The following KRABD1 variants were observed in gnomAD, a reference collection of about 807,000 sequenced individuals.
KRABD1 encodes the protein KRAB domain containing 1.
chr3:42,941,094 ACT>A, the KRABD1 span: 25 of 709,674 alleles, frequency 3.5e-5, no homozygotes, highest in Middle Eastern at 2.8e-4. Context: ...TTACACAAAA[ACT>A]CTGTAGGCAC....
the KRABD1 span, chr3:42,941,961 C>A: frequency 6.5e-7 from 1 of 1,531,826 alleles, no homozygotes. Flanking sequence ...CGAGCAGTGC[C>A]ACCCACTTCC....
chr3:42,942,153 T>A, the KRABD1 span: 2 of 964,012 alleles, frequency 2.1e-6, no homozygotes, highest in Non-Finnish European at 3.2e-6. Flanking sequence ...GTGTGTTCTC[T>A]GTGCCCAGCA....
the KRABD1 span, among the ~76,000 whole-genome samples, chr3:42,941,632 A>G: frequency 2.0e-5 from 3 of 152,048 alleles, no homozygotes; most frequent in African/African-American, 7.2e-5. Context: ...GAATGCAGCC[A>G]CTTTGTCTCC....
chr3:42,941,715 G>A, the KRABD1 span, among the ~76,000 whole-genome samples: 4 of 152,132 alleles, frequency 2.6e-5, no homozygotes, highest in East Asian at 7.8e-4. Flanking sequence ...GACAAAGAAG[G>A]TAAAAAATCT....
At chr3:42,938,656 C>G in the KRABD1 span, 2 of 385,290 alleles carry the variant, frequency 5.2e-6, no homozygotes, top group Non-Finnish European at 9.6e-6. Context: ...TTTCATCACT[C>G]ATTCCGTGGA....
chr3:42,939,003 TA>T, the KRABD1 span: 1 of 1,085,084 alleles, frequency 9.2e-7, no homozygotes, highest in Non-Finnish European at 1.3e-6. Context: ...GATACATACA[TA>T]AAAATATCTA....
At chr3:42,942,106 T>C in the KRABD1 span, 2 of 1,385,262 alleles carry the variant, frequency 1.4e-6, no homozygotes, top group Non-Finnish European at 2.0e-6. Flanking sequence ...TCCAGCTTTG[T>C]CTCTTCCTTT....
At chr3:42,942,694 G>T in the KRABD1 span, 1 of 667,372 alleles carries the variant, frequency 1.5e-6, no homozygotes, top group South Asian at 2.5e-5. Context: ...GTTGATGTAA[G>T]AGCCACCTTA....
the KRABD1 span, chr3:42,938,894 A>T: frequency 1.3e-6 from 2 of 1,532,052 alleles, no homozygotes; most frequent in Admixed American, 3.9e-5. Flanking sequence ...AAAAGAGGTC[A>T]GATGATGACA....
chr3:42,941,848 C>T, the KRABD1 span: 1 of 698,188 alleles, frequency 1.4e-6, no homozygotes, highest in Non-Finnish European at 2.5e-6. Flanking sequence ...GTATAGCTCA[C>T]CCGGGAATTA....
At chr3:42,937,316 T>C in the KRABD1 span, 1 of 152,208 alleles carries the variant, frequency 6.6e-6, no homozygotes, top group Non-Finnish European at 1.5e-5. Flanking sequence ...GCTTTCCCCA[T>C]AGGAAGACAC....
At chr3:42,940,528 G>A in the KRABD1 span, among the ~76,000 whole-genome samples, 1 of 152,270 alleles carries the variant, frequency 6.6e-6, no homozygotes, top group East Asian at 1.9e-4. Context: ...ATTTCCACTA[G>A]AGCTCTATTT....
At chr3:42,939,054 G>A in the KRABD1 span, 3 of 655,002 alleles carry the variant, frequency 4.6e-6, no homozygotes, top group Non-Finnish European at 2.5e-6. Context: ...TTTTATATAT[G>A]TGTGTATGTG....
the KRABD1 span, among the ~76,000 whole-genome samples, chr3:42,942,328 T>C: frequency 5.3e-5 from 8 of 152,248 alleles, no homozygotes; most frequent in Non-Finnish European, 1.0e-4. Flanking sequence ...CTAAATACTT[T>C]ACTGGTTATT....
At chr3:42,940,066 C>G in the KRABD1 span, among the ~76,000 whole-genome samples, 1 of 152,198 alleles carries the variant, frequency 6.6e-6, no homozygotes, top group Non-Finnish European at 1.5e-5. Context: ...CTTACTCAGA[C>G]ATCATCAAGA....
chr3:42,939,106 C>CA, the KRABD1 span, among the ~76,000 whole-genome samples: 1 of 152,074 alleles, frequency 6.6e-6, no homozygotes, highest in Admixed American at 6.5e-5. Context: ...TTACACAACA[C>CA]AAGTCTTAAC....
chr3:42,939,034 T>A, the KRABD1 span: 1 of 833,082 alleles, frequency 1.2e-6, no homozygotes, highest in Non-Finnish European at 1.8e-6. Context: ...TTTACATATA[T>A]ATAACATACT....
At chr3:42,941,077 C>G in the KRABD1 span, 1 of 587,708 alleles carries the variant, frequency 1.7e-6, no homozygotes, top group South Asian at 3.9e-5. Flanking sequence ...TCCTCCACAC[C>G]TAAATTTTAC....
chr3:42,941,302 C>A, the KRABD1 span: 1 of 1,599,530 alleles, frequency 6.3e-7, no homozygotes, highest in Admixed American at 1.7e-5. Flanking sequence ...GCCGAGAGGG[C>A]CTTGTACAGG....
Sources: gnomAD v4.1 joint callset for allele counts (sites outside exome capture counted in the v4.1 genomes callset) on GRCh38, gnomAD v4.1.1 for gene constraint, MANE v1.5 for transcripts, NCBI Gene and HGNC (gene_info 2026-07-23, HGNC 2026-07-21) for gene names.